Variants in CPED1 observed in about 807,000 individuals in gnomAD.
CPED1 encodes cadherin-like and PC-esterase domain-containing protein 1.
CPED1 carries 114 observed loss-of-function variants against 128.2 expected under a neutral mutation model. The ratio of observed to expected loss-of-function variants is 0.89; its 90% CI spans 0.76 to 1.04. CPED1 has a LOEUF of 1.04. Ranked by LOEUF, CPED1 falls within the 50% of genes least tolerant of loss-of-function variation. The probability of loss-of-function intolerance (pLI) is 0.00; values close to 1 mark genes in which losing one functional copy is unlikely to be tolerated. For synonymous variants in CPED1, 462 were observed against 426.7 expected (o/e 1.08, Z -1.02); for missense variants, 1,211 against 1,207.1 (o/e 1.00, Z -0.05).
chr7:121,104,093 C>A (rs919561827), intron 7 of CPED1, among the ~76,000 whole-genome samples: 1 of 152,022 alleles, frequency 6.6e-6, no homozygotes, highest in Non-Finnish European at 1.5e-5. Flanking sequence ...GGGAAAAATT[C>A]GCAAATGTAA....
At chr7:121,217,860 C>T (rs1774657404) in intron 16 of CPED1, among the ~76,000 whole-genome samples, 1 of 151,942 alleles carries the variant, frequency 6.6e-6, no homozygotes, top group South Asian at 2.1e-4. Flanking sequence ...TTTCAAAATC[C>T]CACAGTGTAA....
rs182327756 is a variant in CPED1 at position 121,123,442 on chromosome 7, G to A, written c.919-889G>A. 4.6e-4 allele frequency among the ~76,000 whole-genome samples: 70 copies of A among 152,190 alleles called. 1 individual carries two copies. In the Middle Eastern group the frequency reaches 0.017, roughly 37 times the overall value. ...AAAAAACATTAATAGAATACCTGCT[G>A]CATGTTTTTTCAAAAAATATTTTTT... On this transcript the variant is annotated intron_variant, in intron 7 of 22. Coordinates refer to ENST00000310396, the MANE Select transcript of CPED1 (RefSeq NM_024913.5).
chr7:121,223,211 AATC>A (rs1797926003), intron 16 of CPED1, among the ~76,000 whole-genome samples: 2 of 152,166 alleles, frequency 1.3e-5, no homozygotes, highest in African/African-American at 4.8e-5. Flanking sequence ...CTATTGAAAT[AATC>A]ATATGTGTTT....
chr7:121,275,017 T>TA (rs1461486697), intron 22 of CPED1, among the ~76,000 whole-genome samples: 4 of 152,096 alleles, frequency 2.6e-5, no homozygotes, highest in Non-Finnish European at 4.4e-5. Flanking sequence ...GTTAGAACCA[T>TA]AAAAATTCTG....
At chr7:121,080,376 C>T (rs1424550732) in intron 5 of CPED1, among the ~76,000 whole-genome samples, 1 of 152,166 alleles carries the variant, frequency 6.6e-6, no homozygotes, top group Non-Finnish European at 1.5e-5. Context: ...TAAATTCTTC[C>T]TGAACCATTA....
chr7:121,067,364 G>A (rs1306372067), intron 5 of CPED1, among the ~76,000 whole-genome samples: 5 of 151,948 alleles, frequency 3.3e-5, no homozygotes, highest in African/African-American at 7.3e-5. Context: ...AACATGTGGT[G>A]TTTGTTTTTT....
intron 16 of CPED1, among the ~76,000 whole-genome samples, chr7:121,229,354 T>C (rs922087795): frequency 3.9e-5 from 6 of 152,050 alleles, no homozygotes; most frequent in African/African-American, 1.4e-4. Context: ...TATGATATAT[T>C]TTCCATGATA....
intron 3 of CPED1, among the ~76,000 whole-genome samples, chr7:121,020,623 G>T (rs1191119661): frequency 6.6e-6 from 1 of 151,674 alleles, no homozygotes; most frequent in East Asian, 1.9e-4. Flanking sequence ...GGATTTGAAG[G>T]TTTACAATAA....
At position 120,989,714 on chromosome 7, in the gene CPED1, G is replaced by A; in HGVS notation, c.93G>A (p.Gln31=). 6.2e-7 allele frequency: 1 copy of A among 1,613,888 alleles called. No individual in the cohort carries two copies. Among genetic ancestry groups the A allele is most frequent in the Non-Finnish European group, 8.5e-7 (1 of 1,179,996 alleles). Residue 31 remains glutamine (Q), a synonymous_variant, in exon 2 of 23, where the codon CAG becomes CAA. Transcript: ENST00000310396. Reference sequence around the variant, plus strand: ...TGGTGGCAATCTGTCTCTTCTACCAGACTCTGACCCTCCGAGGGTCGAGGA... The same window carrying A: ...TGGTGGCAATCTGTCTCTTCTACCAAACTCTGACCCTCCGAGGGTCGAGGA... The part of the protein sequence containing the change: ...GLVVAICLFY[Q]TLTLRGSRKL...
At chr7:121,091,419 T>G (rs1293935836) in intron 5 of CPED1, among the ~76,000 whole-genome samples, 1 of 152,218 alleles carries the variant, frequency 6.6e-6, no homozygotes, top group Non-Finnish European at 1.5e-5. Context: ...ACCAGATGTT[T>G]AAGAATGCCA....
intron 16 of CPED1, 30 bp from the exon 17 acceptor site, chr7:121,236,684 C>T: frequency 7.5e-7 from 1 of 1,328,566 alleles, no homozygotes. Context: ...TTAATTAATA[C>T]AACAACTAAT....
chr7:121,124,841 T>G (rs1795467231), intron 8 of CPED1, among the ~76,000 whole-genome samples: 1 of 152,230 alleles, frequency 6.6e-6, no homozygotes, highest in Non-Finnish European at 1.5e-5. Flanking sequence ...ATCCCACTGA[T>G]TTCATAATGC....
intron 5 of CPED1, among the ~76,000 whole-genome samples, chr7:121,072,333 T>C (rs1364330787): frequency 6.6e-6 from 1 of 152,096 alleles, no homozygotes; most frequent in Non-Finnish European, 1.5e-5. Flanking sequence ...GAAAATTGAC[T>C]AGTGGCCACT....
In CPED1 at chr7:121,100,922, C is replaced by T. The variant is rs1362399792; in HGVS notation, c.918+828C>T. On this transcript the variant is annotated intron_variant, in intron 7 of 22. Coordinates refer to ENST00000310396, the MANE Select transcript of CPED1 (RefSeq NM_024913.5). ...AGCAAATTTTAGAATTTATTTCTGC[C>T]ATCTTATTTTTTTATTTAGTATGCT... 2.0e-5 allele frequency among the ~76,000 whole-genome samples: 3 copies of T among 151,992 alleles called. No homozygotes were observed. In the East Asian group the frequency reaches 5.8e-4, roughly 29 times the overall value.
At chr7:121,078,491 A>G (rs1794192102) in intron 5 of CPED1, among the ~76,000 whole-genome samples, 1 of 97,090 alleles carries the variant, frequency 1.0e-5, no homozygotes, top group Non-Finnish European at 2.0e-5. Context: ...GGAAAGAAAG[A>G]AAGAAAGAAA....
chr7:121,105,545 G>C (rs1243922738), intron 7 of CPED1, among the ~76,000 whole-genome samples: 1 of 152,052 alleles, frequency 6.6e-6, no homozygotes, highest in Non-Finnish European at 1.5e-5. Flanking sequence ...TCTCCTGAGA[G>C]TTTGTAAAAA....
chr7:121,149,061 G>A (rs968642400), intron 16 of CPED1, among the ~76,000 whole-genome samples: 2 of 152,146 alleles, frequency 1.3e-5, no homozygotes, highest in South Asian at 2.1e-4. Flanking sequence ...GTTCTTTCAA[G>A]TCTTGTTAAG....
intron 16 of CPED1, among the ~76,000 whole-genome samples, chr7:121,212,541 C>A (rs558658753): frequency 2.0e-5 from 3 of 152,048 alleles, no homozygotes; most frequent in Admixed American, 2.0e-4. Flanking sequence ...TTTGTGCCAA[C>A]ACTGTGTCCA....
chr7:121,083,507 A>G (rs529521860), intron 5 of CPED1, among the ~76,000 whole-genome samples: 1 of 152,336 alleles, frequency 6.6e-6, no homozygotes, highest in African/African-American at 2.4e-5. Context: ...GAATGCAAGT[A>G]GAGCCAAATT....
Sources: allele counts gnomAD v4.1 joint callset (sites outside exome capture counted in the v4.1 genomes callset), GRCh38; gene constraint gnomAD v4.1.1; transcripts MANE v1.5; gene names NCBI Gene and HGNC (gene_info 2026-07-23, HGNC 2026-07-21).